ROBO1: variants seen among roughly 807,000 people sequenced by gnomAD.
ROBO1 encodes roundabout guidance receptor 1.
ROBO1 carries 149 observed loss-of-function variants against 195.9 expected under a neutral mutation model. The observed-to-expected ratio is 0.76, with a 90% CI of 0.67 to 0.87. The LOEUF is 0.87. Among genes scored for constraint, ROBO1 ranks in the 40% least tolerant of loss-of-function variants. The probability of loss-of-function intolerance (pLI) is 0.00; values close to 1 mark genes in which losing one functional copy is unlikely to be tolerated. For synonymous variants in ROBO1, 816 were observed against 733.2 expected (o/e 1.11, Z -1.82); for missense variants, 1,933 against 2,068.3 (o/e 0.93, Z 1.27).
chr3:79,156,059 C>T (rs1164924800), intron 2 of ROBO1, among the ~76,000 whole-genome samples: 2 of 151,792 alleles, frequency 1.3e-5, no homozygotes, highest in East Asian at 2.0e-4. Context: ...TCCAGAGGGT[C>T]GTTCACTCCT....
chr3:78,659,709 T>C lies in ROBO1; in HGVS notation c.2419A>G (p.Asn807Asp). The change falls in exon 17 of 31, where the codon AAT (asparagine) becomes GAT (aspartate). Residue 807 changes from asparagine (N) to aspartate (D), a missense_variant. By Grantham distance (23) the Asn-to-Asp change is conservative (BLOSUM62 1). This residue lies in a region of ROBO1 where 1,737 missense variants were observed against 1,882.5 expected (regional missense o/e 0.92). Transcript: ENST00000464233. ...ACCTTATACTCTTGGACCATTCCAT[T>C]TTGAGTGTCTTCTGGAGGTGGCTGC... ...SWQPPPEDTQ[N>D]GMVQEYKVWC... 1 of 1,556,976 alleles carries C rather than the reference T, an allele frequency of 6.4e-7. No individual in the cohort carries two copies. The highest frequency in any genetic ancestry group is 8.7e-7 in the Non-Finnish European group (1 of 1,148,738).
intron 2 of ROBO1, among the ~76,000 whole-genome samples, chr3:79,208,258 C>T (rs2081908161): frequency 6.6e-6 from 1 of 152,186 alleles, no homozygotes; most frequent in Admixed American, 6.5e-5. Flanking sequence ...TCACTTGACA[C>T]CAAATGCCTG....
intron 17 of ROBO1, among the ~76,000 whole-genome samples, chr3:78,658,308 A>G (rs1218484517): frequency 6.6e-6 from 1 of 152,190 alleles, no homozygotes; most frequent in Non-Finnish European, 1.5e-5. Flanking sequence ...TATTATCATT[A>G]GAGATGGAGT....
At chr3:79,723,855 T>A (rs1702803091) in intron 1 of ROBO1, among the ~76,000 whole-genome samples, 1 of 152,176 alleles carries the variant, frequency 6.6e-6, no homozygotes, top group African/African-American at 2.4e-5. Context: ...ATAAACCATG[T>A]TAAGGATTAA....
intron 5 of ROBO1, among the ~76,000 whole-genome samples, chr3:78,737,217 G>A (rs1048206826): frequency 6.6e-6 from 1 of 152,166 alleles, no homozygotes; most frequent in Non-Finnish European, 1.5e-5. Context: ...TCTCACAGTG[G>A]TGAATCAGAT....
At chr3:79,307,531 T>C (rs2033279483) in intron 2 of ROBO1, among the ~76,000 whole-genome samples, 2 of 152,158 alleles carry the variant, frequency 1.3e-5, no homozygotes, top group South Asian at 4.1e-4. Flanking sequence ...TACTTCTTTT[T>C]ATTTGTGTCT....
At chr3:79,186,591 T>C (rs1463519025) in intron 2 of ROBO1, among the ~76,000 whole-genome samples, 1 of 152,132 alleles carries the variant, frequency 6.6e-6, no homozygotes, top group African/African-American at 2.4e-5. Flanking sequence ...CATATTCTGC[T>C]GACTGCCTTT....
At chr3:79,110,301 C>T (rs995787770) in intron 3 of ROBO1, among the ~76,000 whole-genome samples, 4 of 151,974 alleles carry the variant, frequency 2.6e-5, no homozygotes, top group African/African-American at 9.7e-5. Context: ...AATACTAGTT[C>T]ACTGACAACT....
At chr3:78,724,810 T>C (rs1385381925) in intron 5 of ROBO1, among the ~76,000 whole-genome samples, 4 of 152,166 alleles carry the variant, frequency 2.6e-5, no homozygotes, top group Non-Finnish European at 5.9e-5. Context: ...ATGAACATTT[T>C]CTCTGTCTAC....
At position 79,226,739 on chromosome 3, in the gene ROBO1, G is replaced by T. The variant is rs140767702; in HGVS notation, c.89-101200C>A. ...AACTTTTTTGTTTTTTAGAGATAAG[G>T]TCTCCGTATGTTGCCCAGGCTTATC... On this transcript the variant is annotated intron_variant, in intron 2 of 30. Coordinates refer to ENST00000464233, the MANE Select transcript of ROBO1 (RefSeq NM_002941.4). Among the ~76,000 whole-genome samples the T allele has an allele frequency of 3.2e-3, 479 of 151,756 alleles. 2 individuals carry two copies. Among genetic ancestry groups the T allele is most frequent in the African/African-American group, 0.011 (457 of 41,416 alleles).
chr3:79,372,839 A>T lies in ROBO1; in HGVS notation c.88+216985T>A, dbSNP rs542323611. Among the ~76,000 whole-genome samples, 45 of 152,236 alleles carry T rather than the reference A, an allele frequency of 3.0e-4. 1 individual carries two copies. The South Asian group carries it at 7.7e-3, about 26-fold the overall frequency. ...CATGTAAAACATAGTCTATAGAAGC[A>T]TTGTATACTAAAATATAGATGGTAT... On this transcript the variant is annotated intron_variant, in intron 2 of 30. Coordinates refer to ENST00000464233, the MANE Select transcript of ROBO1 (RefSeq NM_002941.4).
At chr3:79,610,328 A>T (rs1040922703) in intron 1 of ROBO1, among the ~76,000 whole-genome samples, 5 of 151,184 alleles carry the variant, frequency 3.3e-5, no homozygotes, top group Non-Finnish European at 5.9e-5. Context: ...AAAATAGGAT[A>T]AGTATAATAA....
chr3:79,119,497 A>G (rs893194823), intron 3 of ROBO1, among the ~76,000 whole-genome samples: 3 of 152,302 alleles, frequency 2.0e-5, no homozygotes, highest in Non-Finnish European at 4.4e-5. Flanking sequence ...AAATTTCTTA[A>G]TAATTGAGGT....
At chr3:79,346,391 G>A (rs1324651630) in intron 2 of ROBO1, among the ~76,000 whole-genome samples, 5 of 152,046 alleles carry the variant, frequency 3.3e-5, no homozygotes, top group Admixed American at 6.6e-5. Flanking sequence ...ATGAAAGTAT[G>A]TTGGGATTTT....
At position 78,662,108 on chromosome 3, in the gene ROBO1, A is replaced by G. The variant is rs1290374333; in HGVS notation, c.1973T>C (p.Leu658Pro). 80 of 1,559,570 alleles carry G rather than the reference A, an allele frequency of 5.1e-5. No homozygotes were observed. The highest frequency in any genetic ancestry group is 6.7e-5 in the Non-Finnish European group (77 of 1,151,134). ...GTGGTCCACCCCCTGACTTGTTGGT[A>G]GGACATCTACAACAAGTCAAGAAAA... Reference protein sequence around the residue: ...ISDPVKTQDVLPTSQGVDHKQ... With the variant: ...ISDPVKTQDVPPTSQGVDHKQ... Residue 658 changes from leucine (L) to proline (P), a missense_variant, in exon 15 of 31, where the codon CTA becomes CCA. Around this residue, in one of 3 missense-constraint regions of ROBO1, gnomAD observed 1,737 missense variants for 1,882.5 expected, o/e 0.92. Coordinates refer to ENST00000464233, the MANE Select transcript of ROBO1 (RefSeq NM_002941.4).
At chr3:79,064,904 A>T (rs958583277) in intron 3 of ROBO1, among the ~76,000 whole-genome samples, 1 of 151,984 alleles carries the variant, frequency 6.6e-6, no homozygotes, top group Non-Finnish European at 1.5e-5. Context: ...AAAAGCATGA[A>T]GACAGTCGGG....
chr3:78,932,683 A>T (rs1254054329), intron 4 of ROBO1, among the ~76,000 whole-genome samples: 4 of 152,160 alleles, frequency 2.6e-5, no homozygotes, highest in Non-Finnish European at 4.4e-5. Context: ...TTCCATAGAA[A>T]ATAAGAAAAT....
intron 2 of ROBO1, among the ~76,000 whole-genome samples, chr3:79,355,818 A>T (rs1293746469): frequency 2.6e-5 from 4 of 152,112 alleles, no homozygotes; most frequent in Admixed American, 2.6e-4. Context: ...CCATTAATGG[A>T]CATTTAGGTT....
At chr3:78,810,715 A>T (rs2084711226) in intron 4 of ROBO1, among the ~76,000 whole-genome samples, 1 of 151,766 alleles carries the variant, frequency 6.6e-6, no homozygotes, top group Admixed American at 6.6e-5. Flanking sequence ...ACACTATCCT[A>T]GTCAATTCAC....
Sources: allele counts gnomAD v4.1 joint callset (sites outside exome capture counted in the v4.1 genomes callset), GRCh38; gene constraint gnomAD v4.1.1; regional missense constraint gnomAD v4.1.1; transcripts MANE v1.5; gene names NCBI Gene and HGNC (gene_info 2026-07-23, HGNC 2026-07-21).